Variants in UPK1B observed in about 807,000 individuals in gnomAD.
The protein encoded by UPK1B is uroplakin 1B, also known as uroplakin-1b.
A neutral mutation model predicts 34.2 loss-of-function variants in UPK1B; 28 were observed. That is an observed-to-expected ratio of 0.82 (90% confidence interval 0.61 to 1.12). The LOEUF (loss-of-function observed/expected upper bound fraction) is 1.12. Ranked by LOEUF, UPK1B falls within the 50% of genes most tolerant of loss-of-function variation. The probability of loss-of-function intolerance (pLI) is 0.00; values close to 1 mark genes in which losing one functional copy is unlikely to be tolerated. For missense variants in UPK1B, 325 were observed against 320.9 expected, an observed-to-expected ratio of 1.01 and a Z score of -0.10; for synonymous variants, 81 against 110.4, an observed-to-expected ratio of 0.73 and a Z score of 1.67.
At chr3:119,196,365 C>A (rs2078067433) in intron 6 of UPK1B, among the ~76,000 whole-genome samples, 1 of 152,006 alleles carries the variant, frequency 6.6e-6, no homozygotes, top group Non-Finnish European at 1.5e-5. Context: ...CTACCTGGAA[C>A]TATATTTGTT....
chr3:119,185,015 G>A (rs1156600479), intron 1 of UPK1B, among the ~76,000 whole-genome samples: 1 of 152,232 alleles, frequency 6.6e-6, no homozygotes, highest in Non-Finnish European at 1.5e-5. Context: ...CCCCTTGGGG[G>A]AGTTTGTGCA....
At chr3:119,182,795 G>A (rs1338986773) in intron 1 of UPK1B, among the ~76,000 whole-genome samples, 1 of 152,176 alleles carries the variant, frequency 6.6e-6, no homozygotes, top group East Asian at 1.9e-4. Context: ...AAATACAAGT[G>A]GCCAAGTAGA....
rs993262802 is a variant in UPK1B at position 119,175,504 on chromosome 3, A to C, written c.-29+1866A>C. On this transcript the variant is annotated intron_variant, in intron 1 of 7. Coordinates refer to ENST00000264234, the MANE Select transcript of UPK1B (RefSeq NM_006952.4). ...ACCACATTGGTGAGGGGGCACCATC[A>C]TCACACACCGCCCTACCCGCCTGCC... 6.6e-5 allele frequency among the ~76,000 whole-genome samples: 10 copies of C among 152,172 alleles called. No homozygotes were observed. In the South Asian group the frequency reaches 2.1e-3, roughly 32 times the overall value.
intron 1 of UPK1B, among the ~76,000 whole-genome samples, chr3:119,177,342 C>T (rs2077961658): frequency 6.6e-6 from 1 of 152,166 alleles, no homozygotes; most frequent in East Asian, 1.9e-4. Flanking sequence ...GTGGATCTCC[C>T]TACCTTAAAA....
chr3:119,180,100 G>C (rs1310984132), intron 1 of UPK1B, among the ~76,000 whole-genome samples: 2 of 152,154 alleles, frequency 1.3e-5, no homozygotes, highest in Non-Finnish European at 2.9e-5. Context: ...ACAGGCGTGA[G>C]CCACCGCGCT....
chr3:119,199,563 A>G (rs2078082351), intron 7 of UPK1B, among the ~76,000 whole-genome samples: 1 of 152,258 alleles, frequency 6.6e-6, no homozygotes. Flanking sequence ...TGCCTCTGGC[A>G]GATTCATCCT....
chr3:119,179,507 C>CTTTTTTTTT (rs71297415), intron 1 of UPK1B, among the ~76,000 whole-genome samples: 1,978 of 52,220 alleles, frequency 0.038, 663 homozygotes, highest in African/African-American at 0.09. Context: ...ATGTTGCAGT[C>CTTTTTTTTT]TTTTTTTTTT....
In UPK1B at chr3:119,178,582, T is replaced by A. The variant is rs2077970414; in HGVS notation, c.-29+4944T>A. Among the ~76,000 whole-genome samples the A allele has an allele frequency of 2.0e-5, 3 of 152,298 alleles. No homozygotes were observed. In the South Asian group the frequency reaches 6.2e-4, roughly 32 times the overall value. On this transcript the variant is annotated intron_variant, in intron 1 of 7. Coordinates refer to ENST00000264234, the MANE Select transcript of UPK1B (RefSeq NM_006952.4). ...AAATTTTGGTCTACTAAATTTAAAA[T>A]AAGTAAGTAGATCATTTTGGCCTAA...
chr3:119,187,797 C>T lies in UPK1B; in HGVS notation c.92C>T (p.Ala31Val), dbSNP rs368350153. ...IIGCCGIALT[A>V]ECIFFVSDQH... ...CAGTGTTGCGGCATTGCCCTGACTGCGGAGTGCATCTTCTTTGTATCTGAC... is the reference window on the plus strand; with the variant it reads ...CAGTGTTGCGGCATTGCCCTGACTGTGGAGTGCATCTTCTTTGTATCTGAC... Residue 31 changes from alanine (A) to valine (V), a missense_variant, in exon 3 of 8, where the codon GCG (alanine) becomes GTG (valine). Transcript: ENST00000264234. 50 of 1,613,706 alleles carry T rather than the reference C, an allele frequency of 3.1e-5. No individual in the cohort carries two copies. Among genetic ancestry groups the T allele is most frequent in the Middle Eastern group, 3.3e-4 (2 of 6,052 alleles).
At chr3:119,175,231 G>A (rs1381310927) in intron 1 of UPK1B, among the ~76,000 whole-genome samples, 1 of 146,524 alleles carries the variant, frequency 6.8e-6, no homozygotes, top group Non-Finnish European at 1.5e-5. Context: ...GTTTCACCGT[G>A]TTAGCCAAGA....
chr3:119,175,081 G>A (rs2077949440), intron 1 of UPK1B, among the ~76,000 whole-genome samples: 1 of 129,252 alleles, frequency 7.7e-6, no homozygotes, highest in African/African-American at 3.0e-5. Flanking sequence ...AGGCTGGAGT[G>A]CAGTGGCGTG....
At chr3:119,179,805 CTTTTTTTTTTTTTTTTTT>C (rs869040325) in intron 1 of UPK1B, among the ~76,000 whole-genome samples, 11 of 50,558 alleles carry the variant, frequency 2.2e-4, no homozygotes, top group South Asian at 7.6e-4. Context: ...CCACGCCCGG[CTTTTTTTTTTTTTTTTTT>C]TTTTTTTTTT....
intron 1 of UPK1B, among the ~76,000 whole-genome samples, chr3:119,183,962 A>C (rs2078001661): frequency 6.6e-6 from 1 of 152,224 alleles, no homozygotes; most frequent in African/African-American, 2.4e-5. Flanking sequence ...AGAACATTTT[A>C]GTGGCCAGAA....
At position 119,186,802 on chromosome 3, in the gene UPK1B, A is replaced by G. The variant is rs766622660; in HGVS notation, c.61A>G (p.Ile21Val). Residue 21 changes from isoleucine (I) to valine (V), a missense_variant, in exon 2 of 8, where the codon ATT (isoleucine) becomes GTT (valine). Ile to Val is a conservative substitution (Grantham distance 29, BLOSUM62 3). Coordinates refer to ENST00000264234, the MANE Select transcript of UPK1B (RefSeq NM_006952.4). ...GGGCCTGCTGATTTTTGGAAATGTG[A>G]TTATTGGTGTAAGTAATGATTATTT... ...FQGLLIFGNVIIGCCGIALTA... is the reference protein window; with the variant it reads ...FQGLLIFGNVVIGCCGIALTA... The G allele has an allele frequency of 1.2e-6, 2 of 1,614,086 alleles. No individual in the cohort carries two copies. Among genetic ancestry groups the G allele is most frequent in the Non-Finnish European group, 1.7e-6 (2 of 1,179,946 alleles).
rs1559900078 is a variant in UPK1B, at chr3:119,179,399, T to TATATATATATATATATA, written c.-29+5762_-29+5763insTATATATATATATATAA. 5.2e-4 allele frequency among the ~76,000 whole-genome samples: 28 copies of TATATATATATATATATA among 54,304 alleles called. 3 individuals are homozygous for TATATATATATATATATA. Among genetic ancestry groups the TATATATATATATATATA allele is most frequent in the Non-Finnish European group, 6.7e-4 (19 of 28,200 alleles). 35.6% of individuals were successfully genotyped at this position (54,304 alleles called of 152,430 possible). On this transcript the variant is annotated intron_variant, in intron 1 of 7. Transcript: ENST00000264234. The stretch of plus-strand genomic sequence containing the variant: ...TATATATATATATATATATATATAT[T>TATATATATATATATATA]AATTCTAAGGAATTAACCTATGTGA...
In UPK1B at chr3:119,194,255, C is replaced by CA; in HGVS notation, c.510dup (p.Tyr171IlefsTer8). The stretch of plus-strand genomic sequence containing the variant: ...TGGCGTAAATGGTCCATCAGACTGG[C>CA]AAAAATACACATCTGCCTTCCGGAC... On this transcript the variant is annotated frameshift_variant, in exon 6 of 8. Coordinates refer to ENST00000264234, the MANE Select transcript of UPK1B (RefSeq NM_006952.4). LOFTEE classifies it high-confidence loss of function. The CA allele has an allele frequency of 6.2e-7, 1 of 1,613,970 alleles. No homozygotes were observed. The highest frequency in any genetic ancestry group is 8.5e-7 in the Non-Finnish European group (1 of 1,179,912).
chr3:119,176,738 T>C (rs1053143535), intron 1 of UPK1B, among the ~76,000 whole-genome samples: 4 of 152,200 alleles, frequency 2.6e-5, no homozygotes, highest in Admixed American at 2.6e-4. Context: ...CTCATCCCAT[T>C]GGTTTCCTTC....
chr3:119,182,377 A>T (rs2077993526), intron 1 of UPK1B, among the ~76,000 whole-genome samples: 1 of 152,124 alleles, frequency 6.6e-6, no homozygotes, highest in Non-Finnish European at 1.5e-5. Context: ...TATAAAACAA[A>T]ATCATAACCC....
At chr3:119,187,675 C>A in intron 2 of UPK1B, 100 bp from the exon 3 acceptor site, 1 of 1,257,746 alleles carries the variant, frequency 8.0e-7, no homozygotes, top group South Asian at 1.2e-5. Context: ...TGCATAAAGC[C>A]TGTGCAGGAA....
Sources: gnomAD v4.1 joint callset for allele counts (sites outside exome capture counted in the v4.1 genomes callset) on GRCh38, gnomAD v4.1.1 for gene constraint, MANE v1.5 for transcripts, NCBI Gene and HGNC (gene_info 2026-07-23, HGNC 2026-07-21) for gene names.